GABRB2: variants seen among roughly 807,000 people sequenced by gnomAD.
GABRB2 encodes the protein gamma-aminobutyric acid receptor subunit beta-2.
In GABRB2, 16 loss-of-function variants were observed where a neutral mutation model predicts 54.7. That is an observed-to-expected ratio of 0.29 (90% CI 0.20 to 0.44). The LOEUF (loss-of-function observed/expected upper bound fraction) is 0.44, where lower values mean the gene tolerates loss of function less well. GABRB2 is among the 20% of genes least tolerant of loss of function. The probability of loss-of-function intolerance (pLI) is 1.00; values close to 1 mark genes in which losing one functional copy is unlikely to be tolerated. For missense variants in GABRB2, 355 were observed against 644.0 expected (o/e 0.55, Z 4.86); for synonymous variants, 244 against 233.8 (o/e 1.04, Z -0.40).
Position 161,546,624 on chromosome 5 carries a change from C to T in GABRB2, c.20G>A (p.Arg7Lys). Residue 7 changes from arginine to lysine, a missense_variant, in exon 1 of 10, where the codon AGG (arginine) becomes AAG (lysine). By Grantham distance (26) the Arg-to-Lys change is conservative. This residue lies in a region of GABRB2 where 42 missense variants were observed against 43.0 expected (regional missense o/e 0.98). Transcript: ENST00000393959. ...GAAGGACCAAATCCCAAAGTAGCCC[C>T]TTTTCCGCACTCTCCACATCCCTTT... is the stretch of plus-strand genomic sequence containing the variant. MWRVRK[R>K]GYFGIWSFPL... The T allele has an allele frequency of 6.3e-7, 1 of 1,597,712 alleles. No homozygotes were observed. The highest frequency in any genetic ancestry group is 1.1e-5 in the South Asian group (1 of 88,012).
At chr5:161,428,173 T>C (rs1757060757) in intron 4 of GABRB2, among the ~76,000 whole-genome samples, 1 of 152,170 alleles carries the variant, frequency 6.6e-6, no homozygotes, top group African/African-American at 2.4e-5. Context: ...TGTTTTGTTT[T>C]GTTTTTTGTA....
intron 3 of GABRB2, among the ~76,000 whole-genome samples, chr5:161,486,020 A>G (rs1229575268): frequency 3.3e-5 from 5 of 151,632 alleles, no homozygotes; most frequent in Non-Finnish European, 5.9e-5. Flanking sequence ...GACCAAAATA[A>G]CCCCTTGTTA....
At chr5:161,297,755 G>A (rs1195384986) in intron 9 of GABRB2, among the ~76,000 whole-genome samples, 4 of 152,118 alleles carry the variant, frequency 2.6e-5, no homozygotes, top group Non-Finnish European at 4.4e-5. Flanking sequence ...GTGTGCATGT[G>A]TCTTTATAGT....
At chr5:161,391,860 ATCTAAGAAGGGACTGAC>A (rs1366278457) in intron 5 of GABRB2, among the ~76,000 whole-genome samples, 1 of 152,274 alleles carries the variant, frequency 6.6e-6, no homozygotes, top group African/African-American at 2.4e-5. Flanking sequence ...GCATTCACTG[ATCTAAGAAGGGACTGAC>A]TCTAAGAAGG....
chr5:161,403,735 A>G (rs1334830969), intron 5 of GABRB2, among the ~76,000 whole-genome samples: 1 of 152,200 alleles, frequency 6.6e-6, no homozygotes, highest in Non-Finnish European at 1.5e-5. Context: ...GAGTTCTTAG[A>G]AACTGAAAAC....
chr5:161,384,705 A>G (rs917736603), intron 5 of GABRB2, among the ~76,000 whole-genome samples: 5 of 152,198 alleles, frequency 3.3e-5, no homozygotes, highest in Non-Finnish European at 7.3e-5. Flanking sequence ...AGACAACATA[A>G]GAGAGTTTTC....
At position 161,463,549 on chromosome 5, in the gene GABRB2, T is replaced by A. The variant is rs1253417391; in HGVS notation, c.238-3705A>T. ...ATGTTGACAAGGTGATTCCAAATAT[T>A]TTTATTTATATATATATATATATAT... On this transcript the variant is annotated intron_variant, in intron 3 of 9. Transcript: ENST00000393959. Among the ~76,000 whole-genome samples, 18 of 54,486 alleles carry A rather than the reference T, an allele frequency of 3.3e-4. 1 individual carries two copies. Among genetic ancestry groups the A allele is most frequent in the Admixed American group, 1.3e-3 (5 of 3,828 alleles). The allele number at this position is 54,486 out of a possible 152,430, so 35.7% of individuals were successfully genotyped here. A position where few individuals can be genotyped will look rare whatever the true frequency, so the allele number is the denominator to read the frequency against.
intron 9 of GABRB2, among the ~76,000 whole-genome samples, chr5:161,318,710 T>G (rs1274917665): frequency 6.6e-6 from 1 of 151,982 alleles, no homozygotes; most frequent in East Asian, 1.9e-4. Flanking sequence ...TTAGAGTTAT[T>G]GGGTCAAATT....
At position 161,330,922 on chromosome 5, in the gene GABRB2, G is replaced by A; in HGVS notation, c.1038C>T (p.Ala346=). ...GGCGCATCTTCTCATTGTTGGCACT[G>A]GCAGCCTTCTCAGCTGCTTTCTTTT... ...QRQKKAAEKA[A]SANNEKMRLD... is the part of the protein sequence containing the mutation. Residue 346 remains alanine (A), a synonymous_variant, in exon 8 of 10, where the codon GCC becomes GCT. Transcript: ENST00000393959. 1 of 1,614,202 alleles carries A rather than the reference G, an allele frequency of 6.2e-7. No homozygotes were observed. The highest frequency in any genetic ancestry group is 8.5e-7 in the Non-Finnish European group (1 of 1,180,046).
intron 4 of GABRB2, chr5:161,459,123 T>A (rs1758049082): frequency 6.2e-6 from 1 of 161,576 alleles, no homozygotes; most frequent in African/African-American, 2.4e-5. Context: ...TATATTTGAG[T>A]ATACATTTCC....
chr5:161,499,858 A>AT (rs926964286), intron 3 of GABRB2, among the ~76,000 whole-genome samples: 23 of 151,410 alleles, frequency 1.5e-4, no homozygotes, highest in Admixed American at 1.4e-3. Context: ...TCTATTAATA[A>AT]TTTTTTTTTA....
At chr5:161,355,438 A>G (rs1227931194) in intron 5 of GABRB2, among the ~76,000 whole-genome samples, 1 of 151,016 alleles carries the variant, frequency 6.6e-6, no homozygotes, top group Non-Finnish European at 1.5e-5. Context: ...ATATGTATAT[A>G]ACACACACAT....
In GABRB2 at chr5:161,531,095, T is replaced by A. The variant is rs138793882; in HGVS notation, c.237+14132A>T. ...AAGGAAAATAATAAACAAAAGTATC[T>A]AAATTGTGTTTTTTGGAGTATGGTG... On this transcript the variant is annotated intron_variant, in intron 3 of 9. Coordinates refer to ENST00000393959, the MANE Select transcript of GABRB2 (RefSeq NM_001371727.1). Among the ~76,000 whole-genome samples the A allele has an allele frequency of 3.3e-3, 509 of 152,266 alleles. 2 individuals carry two copies. Among genetic ancestry groups the A allele is most frequent in the Non-Finnish European group, 5.3e-3 (358 of 68,018 alleles).
chr5:161,515,145 T>TA (rs1759898831), intron 3 of GABRB2, among the ~76,000 whole-genome samples: 1 of 152,170 alleles, frequency 6.6e-6, no homozygotes, highest in African/African-American at 2.4e-5. Context: ...TTTCTAAAGT[T>TA]AATCTCTTCT....
chr5:161,444,842 C>T (rs1335913865), intron 4 of GABRB2, among the ~76,000 whole-genome samples: 1 of 152,062 alleles, frequency 6.6e-6, no homozygotes, highest in Non-Finnish European at 1.5e-5. Flanking sequence ...TGATTTAATG[C>T]TTCTCTTTTT....
At chr5:161,349,047 T>A (rs1342094922) in intron 5 of GABRB2, among the ~76,000 whole-genome samples, 1 of 152,116 alleles carries the variant, frequency 6.6e-6, no homozygotes, top group Admixed American at 6.6e-5. Context: ...AACAAGACTC[T>A]GAAAGTGACT....
chr5:161,320,181 A>T (rs1758169362), intron 9 of GABRB2, among the ~76,000 whole-genome samples: 1 of 151,760 alleles, frequency 6.6e-6, no homozygotes, highest in Admixed American at 6.6e-5. Context: ...TTTGTTGCTG[A>T]ACTTTTTCTA....
chr5:161,296,895 A>G (rs1240671925), intron 9 of GABRB2, among the ~76,000 whole-genome samples: 1 of 152,232 alleles, frequency 6.6e-6, no homozygotes, highest in Non-Finnish European at 1.5e-5. Flanking sequence ...CTGTGGACTA[A>G]GAATAGGATT....
chr5:161,349,741 A>G (rs1054718837), intron 5 of GABRB2, among the ~76,000 whole-genome samples: 1 of 152,090 alleles, frequency 6.6e-6, no homozygotes, highest in African/African-American at 2.4e-5. Flanking sequence ...AGAAGAACTG[A>G]TGCCCTTTTC....
Sources: allele counts gnomAD v4.1 joint callset (sites outside exome capture counted in the v4.1 genomes callset), GRCh38; gene constraint gnomAD v4.1.1; regional missense constraint gnomAD v4.1.1; transcripts MANE v1.5; gene names NCBI Gene and HGNC (gene_info 2026-07-23, HGNC 2026-07-21).